Variants in MANBAL observed in about 807,000 individuals in gnomAD.
MANBAL encodes the protein mannosidase beta like, also known as protein MANBAL.
MANBAL carries 1 observed loss-of-function variant against 6.4 expected under a neutral mutation model. The ratio of observed to expected loss-of-function variants is 0.16; its 90% CI spans 0.06 to 0.74. The LOEUF is 0.74. Among genes scored for constraint, MANBAL ranks in the 30% least tolerant of loss-of-function variants. The probability of loss-of-function intolerance (pLI) is 0.78; values close to 1 mark genes in which losing one functional copy is unlikely to be tolerated. For synonymous variants in MANBAL, 47 were observed against 45.8 expected (o/e 1.03, Z -0.10); for missense variants, 100 against 107.8 (o/e 0.93, Z 0.32).
intron 1 of MANBAL, among the ~76,000 whole-genome samples, chr20:37,290,933 G>A (rs1208212746): frequency 1.3e-5 from 2 of 152,158 alleles, no homozygotes; most frequent in Non-Finnish European, 2.9e-5. Context: ...TCTGACACTG[G>A]TTTCTATTCC....
chr20:37,308,845 G>C (rs2069317899), intron 2 of MANBAL, among the ~76,000 whole-genome samples: 1 of 152,238 alleles, frequency 6.6e-6, no homozygotes, highest in African/African-American at 2.4e-5. Context: ...CAGATAGTCA[G>C]TCATACACGG....
At chr20:37,316,140 C>T (rs374598300) in intron 2 of MANBAL, among the ~76,000 whole-genome samples, 168 bp from the exon 3 acceptor site, 11 of 152,204 alleles carry the variant, frequency 7.2e-5, no homozygotes, top group Non-Finnish European at 1.6e-4. Context: ...CTGAGAGCCA[C>T]GATGCTCCGG....
At chr20:37,307,771 G>GGAAA (rs1417407346) in intron 2 of MANBAL, among the ~76,000 whole-genome samples, 1 of 150,586 alleles carries the variant, frequency 6.6e-6, no homozygotes, top group Non-Finnish European at 1.5e-5. Flanking sequence ...AAAAAAAAAA[G>GGAAA]GAAACCAAAC....
Position 37,310,683 on chromosome 20 carries a change from T to C in MANBAL, c.151-5625T>C, listed in dbSNP as rs535735219. ...GATGAATAGCAGCAATTTTCTGGCC[T>C]GGTAAGCGCTGCAGAGCTGCTTCAT... On this transcript the variant is annotated intron_variant, in intron 2 of 2. Coordinates refer to ENST00000373606, the MANE Select transcript of MANBAL (RefSeq NM_001003897.2). Among the ~76,000 whole-genome samples, 29 of 152,348 alleles carry C rather than the reference T, an allele frequency of 1.9e-4. 1 individual carries two copies. The South Asian group carries it at 5.8e-3, about 30-fold the overall frequency.
chr20:37,297,715 C>T (rs747198239), intron 1 of MANBAL, among the ~76,000 whole-genome samples: 8 of 151,622 alleles, frequency 5.3e-5, no homozygotes, highest in Non-Finnish European at 1.2e-4. Context: ...TGATCTCGGC[C>T]CACTGCAACC....
intron 2 of MANBAL, among the ~76,000 whole-genome samples, chr20:37,307,613 C>T (rs1429954464): frequency 6.6e-6 from 1 of 151,984 alleles, no homozygotes; most frequent in Admixed American, 6.6e-5. Context: ...AAAAACTAGC[C>T]AGGCGTGGTA....
chr20:37,289,702 TTGCGG>T lies in MANBAL; in HGVS notation c.-57+19_-57+23del, dbSNP rs1423445220. On this transcript the variant is annotated intron_variant, in intron 1 of 2. Transcript: ENST00000373606. ...GGCGCGGGAGGTGAGTGCCGCAGCT[TTGCGG>T]TGGGGTGGGAACCGAGAGAGAGCCG... is the stretch of plus-strand genomic sequence containing the variant. 2 of 152,328 alleles carry T rather than the reference TTGCGG, an allele frequency of 1.3e-5. No homozygotes were observed. Among genetic ancestry groups the T allele is most frequent in the African/African-American group, 4.8e-5 (2 of 41,442 alleles). The allele number at this position is 152,328 out of a possible 1,614,324, so 9.4% of individuals were successfully genotyped here. A position where few individuals can be genotyped will look rare whatever the true frequency, so the allele number is the denominator to read the frequency against.
intron 1 of MANBAL, among the ~76,000 whole-genome samples, chr20:37,290,243 C>G (rs1053396109): frequency 1.8e-4 from 27 of 152,206 alleles, no homozygotes; most frequent in African/African-American, 6.5e-4. Context: ...GGTGACAACA[C>G]ATTTAGATTA....
chr20:37,307,255 T>A (rs2069280036), intron 2 of MANBAL, among the ~76,000 whole-genome samples: 1 of 152,204 alleles, frequency 6.6e-6, no homozygotes, highest in Non-Finnish European at 1.5e-5. Flanking sequence ...CATGAGCCAG[T>A]GTGCCCGGCT....
Position 37,313,147 on chromosome 20 carries a change from A to G in MANBAL, c.151-3161A>G, listed in dbSNP as rs538236221. 8.5e-3 allele frequency among the ~76,000 whole-genome samples: 1,143 copies of G among 134,118 alleles called. 16 individuals carry two copies. The highest frequency in any genetic ancestry group is 0.028 in the African/African-American group (1,027 of 36,114). The allele number at this position is 134,118 out of a possible 152,430, so 88.0% of individuals were successfully genotyped here. A position where few individuals can be genotyped will look rare whatever the true frequency, so the allele number is the denominator to read the frequency against. On this transcript the variant is annotated intron_variant, in intron 2 of 2. Transcript: ENST00000373606. The stretch of plus-strand genomic sequence containing the variant: ...TAATCCCAGCACTTTGGGAGGCCGA[A>G]TCGGGCAGATCACGAGGTCAGGAGA...
rs1180114850 is a variant in MANBAL at position 37,316,525 on chromosome 20, G to A, written c.*110G>A. On this transcript the variant is annotated 3_prime_UTR_variant, in exon 3 of 3. Coordinates refer to ENST00000373606, the MANE Select transcript of MANBAL (RefSeq NM_001003897.2). ...TCCAGGCTCAGGGTCTGAGGAGGCT[G>A]TGACGCCCTATGACCGCAGAGATCT... 1 of 908,648 alleles carries A rather than the reference G, an allele frequency of 1.1e-6. No individual in the cohort carries two copies. Among genetic ancestry groups the A allele is most frequent in the Non-Finnish European group, 1.7e-6 (1 of 601,266 alleles). The allele number at this position is 908,648 out of a possible 1,614,324, so 56.3% of individuals were successfully genotyped here. A position where few individuals can be genotyped will look rare whatever the true frequency, so the allele number is the denominator to read the frequency against.
chr20:37,302,180 T>C, intron 2 of MANBAL: 2 of 1,508,096 alleles, frequency 1.3e-6, no homozygotes, highest in Non-Finnish European at 1.8e-6. Flanking sequence ...AGAAAGCAGG[T>C]CGTTTGTCAT....
intron 2 of MANBAL, among the ~76,000 whole-genome samples, chr20:37,302,782 G>T (rs2069168427): frequency 6.6e-6 from 1 of 150,628 alleles, no homozygotes. Flanking sequence ...TTTTTTTGAG[G>T]GCACTTATCT....
intron 1 of MANBAL, among the ~76,000 whole-genome samples, chr20:37,299,779 G>A (rs1485383343): frequency 6.6e-6 from 1 of 152,220 alleles, no homozygotes; most frequent in Non-Finnish European, 1.5e-5. Context: ...GAGGCAGAGT[G>A]GGGGCTTTGT....
At chr20:37,313,469 C>G (rs1400422704) in intron 2 of MANBAL, among the ~76,000 whole-genome samples, 5 of 152,218 alleles carry the variant, frequency 3.3e-5, no homozygotes, top group Admixed American at 6.5e-5. Flanking sequence ...CTGTGGGAGG[C>G]TGAGGCGGGT....
intron 2 of MANBAL, among the ~76,000 whole-genome samples, chr20:37,305,486 T>C (rs1360197631): frequency 1.3e-5 from 2 of 152,042 alleles, no homozygotes; most frequent in African/African-American, 4.8e-5. Context: ...AGGCAGGGAG[T>C]TGATGAAGGG....
At chr20:37,298,079 G>C (rs929283062) in intron 1 of MANBAL, among the ~76,000 whole-genome samples, 4 of 152,188 alleles carry the variant, frequency 2.6e-5, no homozygotes, top group African/African-American at 9.7e-5. Context: ...TCAACACTTT[G>C]GGAGGCTGAG....
intron 2 of MANBAL, among the ~76,000 whole-genome samples, chr20:37,304,977 G>GC (rs11404336): frequency 1 from 152,256 of 152,258 alleles, 76,127 homozygotes; most frequent in Middle Eastern, 1. Context: ...CTAGGCCAGA[G>GC]CTGGAGGGGC....
At chr20:37,306,664 C>A (rs1233560580) in intron 2 of MANBAL, among the ~76,000 whole-genome samples, 2 of 152,230 alleles carry the variant, frequency 1.3e-5, no homozygotes, top group African/African-American at 4.8e-5. Flanking sequence ...GTCCTAGTAC[C>A]ATTTCCATCT....
Sources: allele counts gnomAD v4.1 joint callset (sites outside exome capture counted in the v4.1 genomes callset), GRCh38; gene constraint gnomAD v4.1.1; transcripts MANE v1.5; gene names NCBI Gene and HGNC (gene_info 2026-07-23, HGNC 2026-07-21).